The following RARB variants were observed in gnomAD, a reference collection of about 807,000 sequenced individuals.
The protein encoded by RARB is retinoic acid receptor beta, also known as HBV-activated protein.
RARB carries 17 observed loss-of-function variants against 51.9 expected under a neutral mutation model. The ratio of observed to expected loss-of-function variants is 0.33; its 90% CI spans 0.22 to 0.49. RARB has a LOEUF of 0.49. RARB is among the 20% of genes least tolerant of loss of function. The pLI is 0.99. For missense variants in RARB, 369 were observed against 550.8 expected (o/e 0.67, Z 3.30); for synonymous variants, 215 against 195.4 (o/e 1.10, Z -0.84).
intron 3 of RARB, among the ~76,000 whole-genome samples, chr3:25,124,064 G>A (rs1699825744): frequency 6.6e-6 from 1 of 152,126 alleles, no homozygotes; most frequent in Non-Finnish European, 1.5e-5. Context: ...GGAGGGAGTG[G>A]AAAGGATGTT....
rs568530213 is a variant in RARB, at chr3:25,552,042, G to C, written c.449-17716G>C. On this transcript the variant is annotated intron_variant, in intron 3 of 7. Coordinates refer to ENST00000330688, the MANE Select transcript of RARB (RefSeq NM_000965.5). ...AAAAGTTCCCATAGCCCACTGAGCT[G>C]GCCCTTTTTTTAAATAAACCTGGTT... Among the ~76,000 whole-genome samples, 586 of 152,198 alleles carry C rather than the reference G, an allele frequency of 3.9e-3. 3 individuals are homozygous for C. Among genetic ancestry groups the C allele is most frequent in the African/African-American group, 0.013 (559 of 41,512 alleles).
intron 2 of RARB, among the ~76,000 whole-genome samples, chr3:24,895,064 C>T (rs1703451044): frequency 6.6e-6 from 1 of 152,128 alleles, no homozygotes; most frequent in Non-Finnish European, 1.5e-5. Context: ...AAGACTTAAT[C>T]TGTTTTATGG....
chr3:24,899,668 A>G (rs1260390540), intron 2 of RARB, among the ~76,000 whole-genome samples: 1 of 150,508 alleles, frequency 6.6e-6, no homozygotes, highest in African/African-American at 2.4e-5. Flanking sequence ...TTTTGAGGAG[A>G]AAAAAAAAAT....
chr3:25,035,210 C>T (rs1249268769), intron 2 of RARB, among the ~76,000 whole-genome samples: 2 of 152,132 alleles, frequency 1.3e-5, no homozygotes, highest in Non-Finnish European at 1.5e-5. Flanking sequence ...TAGCCTCAGA[C>T]TCCTGCATTC....
chr3:25,398,803 G>A (rs1707185700), intron 5 of RARB, among the ~76,000 whole-genome samples: 1 of 152,088 alleles, frequency 6.6e-6, no homozygotes, highest in Non-Finnish European at 1.5e-5. Flanking sequence ...ATACATGCAT[G>A]TGTATATAAA....
intron 5 of RARB, among the ~76,000 whole-genome samples, chr3:25,288,684 A>G (rs953233379): frequency 6.6e-5 from 10 of 152,158 alleles, no homozygotes; most frequent in African/African-American, 2.4e-4. Context: ...TACCAGAAAC[A>G]ATAACAGAAG....
chr3:24,959,599 G>T (rs1053181328), intron 2 of RARB, among the ~76,000 whole-genome samples: 1 of 152,238 alleles, frequency 6.6e-6, no homozygotes, highest in Non-Finnish European at 1.5e-5. Flanking sequence ...TGGGGCTGAG[G>T]TTCCAGGCTT....
chr3:25,310,177 G>A (rs1226585986), intron 5 of RARB, among the ~76,000 whole-genome samples: 1 of 152,228 alleles, frequency 6.6e-6, no homozygotes, highest in Non-Finnish European at 1.5e-5. Context: ...GTGACGAGCA[G>A]CACTCATGAT....
intron 2 of RARB, among the ~76,000 whole-genome samples, chr3:24,950,152 A>G (rs947301483): frequency 6.6e-6 from 1 of 152,148 alleles, no homozygotes; most frequent in African/African-American, 2.4e-5. Flanking sequence ...TTCTTTAGGT[A>G]TTTCATTTTC....
chr3:25,196,592 A>T (rs1701243791), intron 5 of RARB, among the ~76,000 whole-genome samples: 1 of 151,852 alleles, frequency 6.6e-6, no homozygotes, highest in Admixed American at 6.6e-5. Context: ...ACCCAGTAAT[A>T]GGACGGCTGG....
At chr3:24,974,713 T>G (rs548407104) in intron 2 of RARB, among the ~76,000 whole-genome samples, 6 of 152,202 alleles carry the variant, frequency 3.9e-5, no homozygotes, top group Non-Finnish European at 7.4e-5. Flanking sequence ...GAGAAAGAAA[T>G]ACATAAGAAA....
chr3:25,253,840 C>T (rs1702791634), intron 5 of RARB, among the ~76,000 whole-genome samples: 1 of 152,062 alleles, frequency 6.6e-6, no homozygotes, highest in Admixed American at 6.6e-5. Context: ...CCTCAAATTG[C>T]TTGTATTTCT....
Position 25,257,154 on chromosome 3 carries a change from A to G in RARB, c.178+82579A>G, listed in dbSNP as rs143455198. On this transcript the variant is annotated intron_variant, in intron 5 of 11. Coordinates refer to the RARB transcript ENST00000383772. ...ACATATGATGGTTGACAGTAAGTTC[A>G]GCATGACTCAGTAATGTGGTATGTC... Among the ~76,000 whole-genome samples, 324 of 152,268 alleles carry G rather than the reference A, an allele frequency of 2.1e-3. 1 individual carries two copies. The highest frequency in any genetic ancestry group is 6.0e-3 in the African/African-American group (248 of 41,568).
At chr3:25,111,927 G>C (rs573915951) in intron 3 of RARB, among the ~76,000 whole-genome samples, 8 of 151,956 alleles carry the variant, frequency 5.3e-5, no homozygotes, top group Non-Finnish European at 1.0e-4. Flanking sequence ...ATAAACCTTT[G>C]ATTTGGATAT....
intron 3 of RARB, among the ~76,000 whole-genome samples, chr3:25,128,627 G>A (rs1408631922): frequency 6.6e-6 from 1 of 151,574 alleles, no homozygotes; most frequent in Non-Finnish European, 1.5e-5. Flanking sequence ...TGTGAGTGGG[G>A]GAGCAGCAAG....
At chr3:25,462,811 C>T (rs1319065005) in intron 2 of RARB, among the ~76,000 whole-genome samples, 1 of 152,184 alleles carries the variant, frequency 6.6e-6, no homozygotes, top group Non-Finnish European at 1.5e-5. Context: ...CATGTGATCC[C>T]TCATTCCCAT....
chr3:25,130,557 A>G (rs1318053328), intron 3 of RARB, among the ~76,000 whole-genome samples: 1 of 151,582 alleles, frequency 6.6e-6, no homozygotes, highest in Non-Finnish European at 1.5e-5. Flanking sequence ...GGCGCACTGC[A>G]TTTTTTTCTC....
intron 5 of RARB, among the ~76,000 whole-genome samples, chr3:25,379,897 C>T (rs1280615905): frequency 6.6e-6 from 1 of 152,012 alleles, no homozygotes; most frequent in East Asian, 1.9e-4. Context: ...AATAATATAG[C>T]CCCTCAGATA....
intron 5 of RARB, among the ~76,000 whole-genome samples, chr3:25,236,360 T>C (rs1248152248): frequency 6.6e-6 from 1 of 152,176 alleles, no homozygotes; most frequent in African/African-American, 2.4e-5. Flanking sequence ...TTAATTCTTA[T>C]CTCAGAATAG....
Sources: gnomAD v4.1 joint callset for allele counts (sites outside exome capture counted in the v4.1 genomes callset) on GRCh38, gnomAD v4.1.1 for gene constraint, MANE v1.5 for transcripts, NCBI Gene and HGNC (gene_info 2026-07-23, HGNC 2026-07-21) for gene names.